Variants in KLHL32 observed in about 807,000 individuals in gnomAD.
The protein encoded by KLHL32 is kelch like family member 32, also known as kelch-like protein 32.
A neutral mutation model predicts 64.8 loss-of-function variants in KLHL32; 35 were observed. The ratio of observed to expected loss-of-function variants is 0.54; its 90% confidence interval spans 0.41 to 0.72. KLHL32 has a LOEUF of 0.72. KLHL32 is among the 30% of genes least tolerant of loss of function. The pLI is 0.00. For synonymous variants in KLHL32, 259 were observed against 281.0 expected (o/e 0.92, Z 0.78); for missense variants, 589 against 768.5 (o/e 0.77, Z 2.76).
At chr6:97,106,468 T>C (rs1280336616) in intron 6 of KLHL32, among the ~76,000 whole-genome samples, 1 of 152,012 alleles carries the variant, frequency 6.6e-6, no homozygotes, top group African/African-American at 2.4e-5. Flanking sequence ...ATAGACCGGG[T>C]GCAGTGGCTA....
At chr6:97,031,603 G>A (rs1308511680) in intron 3 of KLHL32, among the ~76,000 whole-genome samples, 1 of 152,056 alleles carries the variant, frequency 6.6e-6, no homozygotes, top group African/African-American at 2.4e-5. Context: ...CTCCCAAAGT[G>A]GTGGGATTAT....
intron 1 of KLHL32, among the ~76,000 whole-genome samples, chr6:96,965,932 T>G (rs1277385259): frequency 6.6e-6 from 1 of 152,152 alleles, no homozygotes; most frequent in Non-Finnish European, 1.5e-5. Flanking sequence ...CTCAACAACC[T>G]AATGTTCAAT....
intron 1 of KLHL32, among the ~76,000 whole-genome samples, chr6:96,943,697 A>G (rs1771603947): frequency 6.6e-6 from 1 of 152,232 alleles, no homozygotes; most frequent in South Asian, 2.1e-4. Context: ...TCGCACAAAC[A>G]CATTTCATAA....
chr6:96,982,446 G>T (rs1776429586), intron 3 of KLHL32, among the ~76,000 whole-genome samples: 1 of 152,072 alleles, frequency 6.6e-6, no homozygotes, highest in South Asian at 2.1e-4. Context: ...GGGGGTCATT[G>T]CATGTGAGAT....
At chr6:96,935,877 TCA>T (rs1770535237) in intron 1 of KLHL32, among the ~76,000 whole-genome samples, 1 of 152,228 alleles carries the variant, frequency 6.6e-6, no homozygotes, top group Non-Finnish European at 1.5e-5. Flanking sequence ...CTCCATCTCT[TCA>T]CAGTTTCTCC....
intron 4 of KLHL32, among the ~76,000 whole-genome samples, chr6:97,060,454 C>T (rs1233399712): frequency 6.6e-6 from 1 of 152,132 alleles, no homozygotes; most frequent in East Asian, 1.9e-4. Flanking sequence ...CCGCTCAGTC[C>T]CAGCTCCACC....
chr6:96,935,819 C>A (rs1012325079), intron 1 of KLHL32, among the ~76,000 whole-genome samples: 2 of 152,176 alleles, frequency 1.3e-5, no homozygotes, highest in Non-Finnish European at 2.9e-5. Context: ...CAGGAAATGA[C>A]AGTACATATT....
At chr6:96,989,718 C>T (rs375106802) in intron 3 of KLHL32, among the ~76,000 whole-genome samples, 15 of 152,088 alleles carry the variant, frequency 9.9e-5, no homozygotes, top group Non-Finnish European at 2.1e-4. Flanking sequence ...TTTCTCCCCC[C>T]CTCTCTTCCA....
the KLHL32 span, among the ~76,000 whole-genome samples, chr6:96,914,109 A>G: frequency 6.6e-6 from 1 of 152,140 alleles, no homozygotes; most frequent in African/African-American, 2.4e-5. Context: ...GGGAATCTAC[A>G]AGCAAAAAAG....
At chr6:96,988,011 C>T (rs1777334968) in intron 3 of KLHL32, among the ~76,000 whole-genome samples, 1 of 152,208 alleles carries the variant, frequency 6.6e-6, no homozygotes, top group East Asian at 1.9e-4. Context: ...TAGAAGAAAA[C>T]TTAGGCAATA....
chr6:96,914,572 A>G, the KLHL32 span: 1 of 152,128 alleles, frequency 6.6e-6, no homozygotes, highest in Non-Finnish European at 1.5e-5. Flanking sequence ...GTCATGAGGG[A>G]GAAGGGGGTT....
chr6:96,936,524 A>G (rs1003620653), intron 1 of KLHL32, among the ~76,000 whole-genome samples: 2 of 152,222 alleles, frequency 1.3e-5, no homozygotes, highest in African/African-American at 4.8e-5. Context: ...CCAAACAGTC[A>G]GGAAATTCTG....
chr6:97,107,636 A>G (rs983579861), intron 6 of KLHL32, among the ~76,000 whole-genome samples: 2 of 152,212 alleles, frequency 1.3e-5, no homozygotes, highest in South Asian at 4.1e-4. Flanking sequence ...AACACCAAAC[A>G]TGTGAGGGAA....
At chr6:97,016,990 C>A (rs1426774973) in intron 3 of KLHL32, among the ~76,000 whole-genome samples, 3 of 152,198 alleles carry the variant, frequency 2.0e-5, no homozygotes, top group Non-Finnish European at 4.4e-5. Context: ...GAAGCCTCCC[C>A]AGCCATGTGG....
chr6:96,923,596 A>G (rs936170520), upstream of KLHL32, among the ~76,000 whole-genome samples: 2 of 152,228 alleles, frequency 1.3e-5, no homozygotes, highest in Admixed American at 1.3e-4. Flanking sequence ...TGGATCTAGA[A>G]GTAGAAAATA....
intron 9 of KLHL32, among the ~76,000 whole-genome samples, chr6:97,131,516 T>A (rs943660496): frequency 6.6e-6 from 1 of 152,168 alleles, no homozygotes; most frequent in African/African-American, 2.4e-5. Context: ...TGGACCTTCC[T>A]CATCCCAAAA....
At chr6:96,993,981 A>G (rs887847374) in intron 3 of KLHL32, among the ~76,000 whole-genome samples, 3 of 148,994 alleles carry the variant, frequency 2.0e-5, no homozygotes, top group East Asian at 4.0e-4. Flanking sequence ...TTTGCTCTAC[A>G]TAGAGATACT....
intron 3 of KLHL32, among the ~76,000 whole-genome samples, chr6:96,979,454 G>T (rs1028839622): frequency 6.6e-6 from 1 of 152,120 alleles, no homozygotes; most frequent in Non-Finnish European, 1.5e-5. Context: ...TTGTAGGTGT[G>T]CAGCTTTATT....
rs115249205 is a variant in KLHL32, at chr6:96,965,454, A to G, written c.-65-1542A>G. 4.0e-3 allele frequency among the ~76,000 whole-genome samples: 605 copies of G among 152,296 alleles called. 3 individuals are homozygous for G. Among genetic ancestry groups the G allele is most frequent in the African/African-American group, 0.014 (586 of 41,566 alleles). On this transcript the variant is annotated intron_variant, in intron 1 of 10. Transcript: ENST00000369261. ...TTTGAAATGAAGCATATCAAGTTAG[A>G]CTTATTAGTTAGATGCCATTTAATT...
Sources: allele counts gnomAD v4.1 joint callset (sites outside exome capture counted in the v4.1 genomes callset), GRCh38; gene constraint gnomAD v4.1.1; transcripts MANE v1.5; gene names NCBI Gene and HGNC (gene_info 2026-07-23, HGNC 2026-07-21).